The following NEK10 variants were observed in gnomAD, a reference collection of about 807,000 sequenced individuals.
NEK10 encodes the protein NIMA related kinase 10.
NEK10 carries 122 observed loss-of-function variants against 159.8 expected under a neutral mutation model. The observed-to-expected ratio is 0.76, with a 90% CI of 0.66 to 0.89. NEK10 has a LOEUF of 0.89. Ranked by LOEUF, NEK10 falls within the 40% of genes least tolerant of loss-of-function variation. The probability of loss-of-function intolerance (pLI) is 0.00; values close to 1 mark genes in which losing one functional copy is unlikely to be tolerated. For missense variants in NEK10, 1,342 were observed against 1,323.1 expected (o/e 1.01, Z -0.22); for synonymous variants, 466 against 457.1 (o/e 1.02, Z -0.25).
intron 32 of NEK10, among the ~76,000 whole-genome samples, chr3:27,121,115 T>C (rs765568381): frequency 5.3e-5 from 8 of 152,132 alleles, no homozygotes; most frequent in Non-Finnish European, 1.2e-4. Context: ...ATATGTCCCA[T>C]CAAAAGACAT....
chr3:27,174,862 C>A, intron 26 of NEK10, 29 bp from the exon 27 acceptor site: 1 of 1,529,742 alleles, frequency 6.5e-7, no homozygotes, highest in Non-Finnish European at 8.8e-7. Flanking sequence ...TTTTTCATAG[C>A]CTCTTTCTCT....
intron 13 of NEK10, among the ~76,000 whole-genome samples, chr3:27,298,041 C>A (rs2043496193): frequency 6.6e-6 from 1 of 152,204 alleles, no homozygotes; most frequent in Non-Finnish European, 1.5e-5. Flanking sequence ...AATTAAGGAA[C>A]TTTCCCAAGG....
At chr3:27,311,089 G>A in intron 8 of NEK10, 73 bp from the exon 9 acceptor site, 1 of 914,038 alleles carries the variant, frequency 1.1e-6, no homozygotes, top group Middle Eastern at 2.1e-4. Flanking sequence ...GCACAGATCT[G>A]CAGTGCATAT....
intron 26 of NEK10, among the ~76,000 whole-genome samples, chr3:27,176,668 C>T (rs1947537456): frequency 6.6e-6 from 1 of 152,200 alleles, no homozygotes; most frequent in Admixed American, 6.5e-5. Flanking sequence ...TAGAAATTTA[C>T]ACAGAAGTAA....
chr3:27,304,695 C>T, intron 12 of NEK10, 52 bp downstream of exon 12: 1 of 1,150,348 alleles, frequency 8.7e-7, no homozygotes. Flanking sequence ...GTCACAGAGT[C>T]CCCAGACTTC....
intron 30 of NEK10, among the ~76,000 whole-genome samples, chr3:27,161,574 T>A (rs910578718): frequency 6.6e-6 from 1 of 152,234 alleles, no homozygotes; most frequent in African/African-American, 2.4e-5. Flanking sequence ...ACACATATGA[T>A]AAAAGCATAA....
chr3:27,147,904 G>A (rs947969094), intron 30 of NEK10, among the ~76,000 whole-genome samples: 3 of 152,172 alleles, frequency 2.0e-5, no homozygotes, highest in Admixed American at 1.3e-4. Context: ...AAATGCTCTT[G>A]AATCAGCATT....
intron 22 of NEK10, among the ~76,000 whole-genome samples, chr3:27,282,746 G>A (rs1030058347): frequency 7.1e-6 from 1 of 140,564 alleles, no homozygotes; most frequent in African/African-American, 2.6e-5. Context: ...ACATAACTGT[G>A]TTATATATAT....
intron 33 of NEK10, among the ~76,000 whole-genome samples, chr3:27,119,205 GGGTTCAGAGA>G (rs1437271028): frequency 1.3e-5 from 2 of 152,114 alleles, no homozygotes; most frequent in Non-Finnish European, 2.9e-5. Context: ...AAGGAAACTG[GGGTTCAGAGA>G]GGTTAAATAG....
intron 15 of NEK10, among the ~76,000 whole-genome samples, chr3:27,294,452 G>C (rs1351884701): frequency 6.6e-6 from 1 of 152,218 alleles, no homozygotes; most frequent in Non-Finnish European, 1.5e-5. Context: ...GAGACTGTGA[G>C]AAAGGGAGAG....
intron 3 of NEK10, among the ~76,000 whole-genome samples, chr3:27,347,506 A>G (rs938477006): frequency 1.3e-5 from 2 of 149,138 alleles, no homozygotes; most frequent in Non-Finnish European, 3.0e-5. Flanking sequence ...CCGTCTCAAA[A>G]AAAAAAAAAA....
At chr3:27,199,941 G>A (rs989571663) in intron 25 of NEK10, among the ~76,000 whole-genome samples, 1 of 152,140 alleles carries the variant, frequency 6.6e-6, no homozygotes, top group African/African-American at 2.4e-5. Context: ...GGGAACAGCA[G>A]ACACTGGGAG....
intron 1 of NEK10, among the ~76,000 whole-genome samples, 162 bp from the exon 2 acceptor site, chr3:27,353,081 A>G (rs531022190): frequency 6.6e-6 from 1 of 152,296 alleles, no homozygotes; most frequent in South Asian, 2.1e-4. Context: ...ACCACTTACT[A>G]TTTATCATTC....
intron 31 of NEK10, among the ~76,000 whole-genome samples, chr3:27,134,250 TC>T (rs1442231641): frequency 6.6e-6 from 1 of 152,166 alleles, no homozygotes; most frequent in African/African-American, 2.4e-5. Context: ...GCATGTATAT[TC>T]CTAGCAGGAA....
At chr3:27,213,380 A>G (rs1951187744) in intron 23 of NEK10, among the ~76,000 whole-genome samples, 1 of 152,214 alleles carries the variant, frequency 6.6e-6, no homozygotes, top group Non-Finnish European at 1.5e-5. Context: ...CTGACATGAC[A>G]ACAAGCCGTT....
At chr3:27,324,812 A>G (rs1267919825) in intron 5 of NEK10, among the ~76,000 whole-genome samples, 1 of 152,090 alleles carries the variant, frequency 6.6e-6, no homozygotes, top group East Asian at 1.9e-4. Context: ...AGTCCATACC[A>G]TGACTCATAG....
intron 23 of NEK10, among the ~76,000 whole-genome samples, chr3:27,230,798 G>A (rs182790601): frequency 2.0e-5 from 3 of 152,054 alleles, no homozygotes; most frequent in Admixed American, 6.5e-5. Flanking sequence ...TTGATGAAAG[G>A]ATTAGTCCAA....
chr3:27,253,026 A>G, intron 23 of NEK10: 1 of 400,098 alleles, frequency 2.5e-6, no homozygotes, highest in South Asian at 1.8e-5. Context: ...ATTTTTTTAA[A>G]AATTTAAGAA....
At chr3:27,296,408 A>G (rs1303860611) in intron 14 of NEK10, among the ~76,000 whole-genome samples, 1 of 152,206 alleles carries the variant, frequency 6.6e-6, no homozygotes, top group Non-Finnish European at 1.5e-5. Flanking sequence ...CCAGGAATTG[A>G]ACCTCAATCT....
Sources: allele counts gnomAD v4.1 joint callset (sites outside exome capture counted in the v4.1 genomes callset), GRCh38; gene constraint gnomAD v4.1.1; transcripts MANE v1.5; gene names NCBI Gene and HGNC (gene_info 2026-07-23, HGNC 2026-07-21).